Variants in TAF3 observed in about 807,000 individuals in gnomAD.
TAF3 encodes TATA-box binding protein associated factor 3, also known as transcription initiation factor TFIID subunit 3.
TAF3 carries 7 observed loss-of-function variants against 80.6 expected under a neutral mutation model. The observed-to-expected ratio is 0.09, with a 90% CI of 0.05 to 0.16. The LOEUF (loss-of-function observed/expected upper bound fraction) is 0.16, where lower values mean the gene tolerates loss of function less well. Ranked by LOEUF, TAF3 falls within the 10% of genes least tolerant of loss-of-function variation. The pLI is 1.00. For missense variants in TAF3, 921 were observed against 1,140.2 expected, an observed-to-expected ratio of 0.81 and a Z score of 2.77; for synonymous variants, 444 against 446.1, an observed-to-expected ratio of 1.00 and a Z score of 0.06.
intron 4 of TAF3, among the ~76,000 whole-genome samples, chr10:7,996,842 ATT>A (rs34866346): frequency 6.1e-5 from 8 of 131,888 alleles, no homozygotes; most frequent in Admixed American, 7.7e-5. Context: ...ACCACACTCT[ATT>A]TTTTTTTTTT....
intron 1 of TAF3, among the ~76,000 whole-genome samples, chr10:7,820,081 C>A (rs548348496): frequency 6.6e-6 from 1 of 152,342 alleles, no homozygotes; most frequent in African/African-American, 2.4e-5. Flanking sequence ...GCTGAGCTAC[C>A]TGCCTTTTCC....
intron 2 of TAF3, among the ~76,000 whole-genome samples, chr10:7,943,404 C>T (rs1837995198): frequency 6.6e-6 from 1 of 152,144 alleles, no homozygotes; most frequent in Non-Finnish European, 1.5e-5. Context: ...CTTCTTAGCA[C>T]CCTTGATACA....
At chr10:7,982,635 G>A (rs1016401763) in intron 4 of TAF3, among the ~76,000 whole-genome samples, 4 of 152,100 alleles carry the variant, frequency 2.6e-5, no homozygotes, top group African/African-American at 4.8e-5. Context: ...CCTAACCTCC[G>A]GTGATCCACC....
At chr10:7,917,448 G>A (rs1469083989) in intron 2 of TAF3, among the ~76,000 whole-genome samples, 1 of 152,220 alleles carries the variant, frequency 6.6e-6, no homozygotes, top group South Asian at 2.1e-4. Flanking sequence ...AGAGAGAATG[G>A]TGGGAGGTAA....
At chr10:7,905,405 CT>C (rs1837598641) in intron 2 of TAF3, among the ~76,000 whole-genome samples, 2 of 151,970 alleles carry the variant, frequency 1.3e-5, no homozygotes, top group Admixed American at 1.3e-4. Context: ...TAGACAAAAC[CT>C]TTGTTTTCAT....
chr10:7,861,642 A>G (rs1336541043), intron 2 of TAF3, among the ~76,000 whole-genome samples: 1 of 151,922 alleles, frequency 6.6e-6, no homozygotes, highest in Admixed American at 6.6e-5. Context: ...CATAACCTCC[A>G]TTGTTTCTGA....
intron 2 of TAF3, among the ~76,000 whole-genome samples, chr10:7,933,660 A>T (rs1837889832): frequency 6.6e-6 from 1 of 152,224 alleles, no homozygotes; most frequent in Admixed American, 6.5e-5. Flanking sequence ...GCACATGCAC[A>T]TATACACATC....
chr10:7,965,733 G>A lies in TAF3; in HGVS notation c.2223G>A (p.Lys741=). ...EKREKEKEKH[K]HEKIKVEPVA... ...GAGAAAAAGAGAAGGAGAAACACAA[G>A]CATGAAAAAGTAAGCAGTTTCTCAT... The change falls in exon 3 of 7, where the codon AAG becomes AAA. Residue 741 remains lysine, a synonymous_variant. Transcript: ENST00000344293. The A allele has an allele frequency of 1.3e-6, 2 of 1,532,120 alleles. No homozygotes were observed. The highest frequency in any genetic ancestry group is 1.7e-6 in the Non-Finnish European group (2 of 1,149,352). The allele number at this position is 1,532,120 out of a possible 1,614,324, so 94.9% of individuals were successfully genotyped here.
At chr10:7,879,370 T>A (rs1448122876) in intron 2 of TAF3, among the ~76,000 whole-genome samples, 2 of 152,204 alleles carry the variant, frequency 1.3e-5, no homozygotes, top group Non-Finnish European at 2.9e-5. Context: ...AACATACTCA[T>A]GCATAATTGA....
At chr10:7,863,696 T>TATATATATACACATATATATATACAC (rs1264789792) in intron 2 of TAF3, among the ~76,000 whole-genome samples, 1 of 83,536 alleles carries the variant, frequency 1.2e-5, no homozygotes, top group African/African-American at 4.2e-5. Flanking sequence ...CACACACATA[T>TATATATATACACATATATATATACAC]ATATATATAC....
At chr10:7,989,347 A>T (rs1459007832) in intron 4 of TAF3, among the ~76,000 whole-genome samples, 1 of 152,238 alleles carries the variant, frequency 6.6e-6, no homozygotes, top group Admixed American at 6.5e-5. Context: ...TGCTGTGTAG[A>T]GACAGGCAAA....
At chr10:7,843,251 G>T (rs1836935897) in intron 2 of TAF3, among the ~76,000 whole-genome samples, 1 of 151,594 alleles carries the variant, frequency 6.6e-6, no homozygotes, top group African/African-American at 2.4e-5. Context: ...GGGACTACCA[G>T]CTTGCACCAC....
intron 3 of TAF3, among the ~76,000 whole-genome samples, chr10:7,972,512 A>G (rs951392378): frequency 6.6e-6 from 1 of 152,206 alleles, no homozygotes; most frequent in Non-Finnish European, 1.5e-5. Context: ...TGTCAGAGGC[A>G]TCTGTGTTTA....
chr10:7,855,927 G>GA (rs372196675), intron 2 of TAF3, among the ~76,000 whole-genome samples: 4,211 of 128,076 alleles, frequency 0.033, 87 homozygotes, highest in South Asian at 0.093. Flanking sequence ...CCACAAAAAG[G>GA]AAAAAAAAAA....
chr10:8,013,460 T>C (rs569532496), intron 5 of TAF3, among the ~76,000 whole-genome samples: 1 of 152,296 alleles, frequency 6.6e-6, no homozygotes, highest in East Asian at 1.9e-4. Flanking sequence ...ACAGAGATGA[T>C]TATAAAATGC....
chr10:7,872,213 A>ATTTTTTT (rs34945620), intron 2 of TAF3, among the ~76,000 whole-genome samples: 1,276 of 121,712 alleles, frequency 0.01, 1 homozygote, highest in Non-Finnish European at 0.012. Context: ...TGTTGGGTTG[A>ATTTTTTT]TTTTTTTTTT....
At chr10:7,921,336 C>T (rs1837760294) in intron 2 of TAF3, among the ~76,000 whole-genome samples, 1 of 152,040 alleles carries the variant, frequency 6.6e-6, no homozygotes, top group Non-Finnish European at 1.5e-5. Context: ...ACCCTACTGC[C>T]TTTAAAAATT....
At chr10:7,981,935 A>T (rs779228002) in intron 4 of TAF3, among the ~76,000 whole-genome samples, 1 of 152,200 alleles carries the variant, frequency 6.6e-6, no homozygotes, top group Non-Finnish European at 1.5e-5. Context: ...TCTTTGAGTG[A>T]TCTAAACTTT....
intron 2 of TAF3, among the ~76,000 whole-genome samples, chr10:7,863,646 T>TAC (rs1189904667): frequency 0.028 from 2,148 of 76,526 alleles, 341 homozygotes; most frequent in East Asian, 0.15. Flanking sequence ...TATATATATA[T>TAC]ACACACACAC....
Sources: gnomAD v4.1 joint callset for allele counts (sites outside exome capture counted in the v4.1 genomes callset) on GRCh38, gnomAD v4.1.1 for gene constraint, MANE v1.5 for transcripts, NCBI Gene and HGNC (gene_info 2026-07-23, HGNC 2026-07-21) for gene names.